VNN1: variants seen among roughly 807,000 people sequenced by gnomAD.
VNN1 encodes the protein vanin 1.
A neutral mutation model predicts 41.9 loss-of-function variants in VNN1; 29 were observed. The observed-to-expected ratio is 0.69, with a 90% CI of 0.52 to 0.94. VNN1 has a LOEUF of 0.94. Ranked by LOEUF, VNN1 falls within the 40% of genes least tolerant of loss-of-function variation. The pLI, the probability that VNN1 is intolerant of heterozygous loss-of-function variation, is 0.00. For missense variants in VNN1, 637 were observed against 621.1 expected (o/e 1.03, Z -0.27); for synonymous variants, 233 against 224.4 (o/e 1.04, Z -0.34).
intron 2 of VNN1, among the ~76,000 whole-genome samples, chr6:132,706,398 A>C (rs1778519699): frequency 6.6e-6 from 1 of 152,220 alleles, no homozygotes; most frequent in Non-Finnish European, 1.5e-5. Flanking sequence ...AAGAGCATAT[A>C]TTGGGGAAAG....
At chr6:132,701,689 C>G (rs910981147) in intron 2 of VNN1, among the ~76,000 whole-genome samples, 1 of 152,130 alleles carries the variant, frequency 6.6e-6, no homozygotes, top group Non-Finnish European at 1.5e-5. Context: ...TCATAAGAAC[C>G]AAAAATCAGA....
chr6:132,711,030 T>G (rs1209202758), intron 2 of VNN1, among the ~76,000 whole-genome samples: 1 of 152,202 alleles, frequency 6.6e-6, no homozygotes, highest in Non-Finnish European at 1.5e-5. Context: ...CTCTCCAGCA[T>G]CTGTTGTTTC....
At chr6:132,694,318 A>G (rs995897777) in intron 2 of VNN1, 136 bp from the exon 3 acceptor site, 1 of 969,416 alleles carries the variant, frequency 1.0e-6, no homozygotes, top group Non-Finnish European at 1.4e-6. Context: ...ATTAGAAGAG[A>G]AGTATTAAGA....
chr6:132,687,265 T>C (rs1158370136), intron 5 of VNN1, among the ~76,000 whole-genome samples: 1 of 152,180 alleles, frequency 6.6e-6, no homozygotes, highest in East Asian at 1.9e-4. Context: ...ATAACCACCT[T>C]TGAATTCCAT....
chr6:132,683,101 T>C lies in VNN1; in HGVS notation c.*39A>G, dbSNP rs1422389558. ...TCTTTCTTTTCTCATCCATCATTTT[T>C]TAAATTATCCCAAATAAAAAAGAGA... On this transcript the variant is annotated 3_prime_UTR_variant, in exon 7 of 7. Transcript: ENST00000367928. 3 of 1,548,676 alleles carry C rather than the reference T, an allele frequency of 1.9e-6. No individual in the cohort carries two copies. The highest frequency in any genetic ancestry group is 2.6e-6 in the Non-Finnish European group (3 of 1,145,460).
At chr6:132,688,349 A>G (rs1443803489) in intron 5 of VNN1, among the ~76,000 whole-genome samples, 1 of 152,172 alleles carries the variant, frequency 6.6e-6, no homozygotes, top group African/African-American at 2.4e-5. Context: ...AGTAATATGT[A>G]TTATTATCTT....
At chr6:132,702,184 T>C (rs1316154629) in intron 2 of VNN1, among the ~76,000 whole-genome samples, 2 of 152,170 alleles carry the variant, frequency 1.3e-5, no homozygotes, top group Non-Finnish European at 2.9e-5. Context: ...CAGTAGGAGA[T>C]GAGTGACATT....
chr6:132,685,212 G>A (rs373532440), intron 5 of VNN1, among the ~76,000 whole-genome samples: 75 of 152,264 alleles, frequency 4.9e-4, no homozygotes, highest in African/African-American at 1.6e-3. Context: ...ACTATAGTAC[G>A]TAGCTATTTG....
At chr6:132,686,026 A>G (rs1388801590) in intron 5 of VNN1, among the ~76,000 whole-genome samples, 1 of 152,202 alleles carries the variant, frequency 6.6e-6, no homozygotes, top group Admixed American at 6.5e-5. Flanking sequence ...TTTCAGGAAT[A>G]GGGTTGCCAG....
intron 5 of VNN1, 132 bp from the exon 6 acceptor site, chr6:132,684,637 T>C (rs1778181428): frequency 1.5e-6 from 1 of 682,186 alleles, no homozygotes; most frequent in Non-Finnish European, 2.1e-6. Context: ...TATACAATTT[T>C]CATTTGTTAA....
intron 2 of VNN1, 111 bp downstream of exon 2, chr6:132,711,598 T>C (rs1778600199): frequency 7.9e-7 from 1 of 1,271,078 alleles, no homozygotes; most frequent in East Asian, 2.5e-5. Flanking sequence ...AAATAAGCTA[T>C]ACTGAAACTT....
chr6:132,684,532 T>A (rs1442498966), intron 5 of VNN1, 27 bp from the exon 6 acceptor site: 4 of 1,611,892 alleles, frequency 2.5e-6, no homozygotes, highest in Non-Finnish European at 3.4e-6. Context: ...AACCAGTAAG[T>A]CATAAGAAAG....
At chr6:132,683,350 G>T (rs1778156458) in intron 6 of VNN1, 28 bp from the exon 7 acceptor site, 2 of 1,591,566 alleles carry the variant, frequency 1.3e-6, no homozygotes, top group Non-Finnish European at 1.7e-6. Context: ...GTAGGCAAAG[G>T]CTACCTTCAA....
chr6:132,710,573 C>T (rs1778584924), intron 2 of VNN1, among the ~76,000 whole-genome samples: 1 of 152,088 alleles, frequency 6.6e-6, no homozygotes, highest in Admixed American at 6.6e-5. Flanking sequence ...CTCCTTGTGT[C>T]CATGTATTCT....
chr6:132,697,546 T>C (rs1194721289), intron 2 of VNN1, among the ~76,000 whole-genome samples: 1 of 152,036 alleles, frequency 6.6e-6, no homozygotes, highest in Non-Finnish European at 1.5e-5. Context: ...TTTAACATAT[T>C]GCTATATTTA....
chr6:132,702,199 C>T (rs942263151), intron 2 of VNN1, among the ~76,000 whole-genome samples: 1 of 152,202 alleles, frequency 6.6e-6, no homozygotes, highest in African/African-American at 2.4e-5. Context: ...GACATTACTG[C>T]CTGAGCTCTG....
intron 2 of VNN1, among the ~76,000 whole-genome samples, chr6:132,703,728 T>G (rs1437659944): frequency 6.6e-6 from 1 of 151,674 alleles, no homozygotes; most frequent in South Asian, 2.1e-4. Flanking sequence ...ATGTAAATGG[T>G]CTAAACTCTC....
chr6:132,693,782 C>A (rs1778326123), intron 3 of VNN1, among the ~76,000 whole-genome samples: 1 of 152,178 alleles, frequency 6.6e-6, no homozygotes, highest in Non-Finnish European at 1.5e-5. Flanking sequence ...GCTACACACT[C>A]CTGAAAACAC....
chr6:132,709,502 T>C (rs956515599), intron 2 of VNN1, among the ~76,000 whole-genome samples: 1 of 152,064 alleles, frequency 6.6e-6, no homozygotes, highest in African/African-American at 2.4e-5. Flanking sequence ...GAAACCCATC[T>C]CTACTGAAAA....
Sources: gnomAD v4.1 joint callset for allele counts (sites outside exome capture counted in the v4.1 genomes callset) on GRCh38, gnomAD v4.1.1 for gene constraint, MANE v1.5 for transcripts, NCBI Gene and HGNC (gene_info 2026-07-23, HGNC 2026-07-21) for gene names.